BZW2: variants seen among roughly 807,000 people sequenced by gnomAD.
BZW2 encodes basic leucine zipper and W2 domains 2.
Under a neutral mutation model 53.2 loss-of-function variants are expected in BZW2, and 23 were observed. That is an observed-to-expected ratio of 0.43 (90% CI 0.31 to 0.61). BZW2 has a LOEUF of 0.61. BZW2 is among the 20% of genes least tolerant of loss of function. The probability of loss-of-function intolerance (pLI) is 0.09; values close to 1 mark genes in which losing one functional copy is unlikely to be tolerated. For synonymous variants in BZW2, 227 were observed against 186.4 expected (o/e 1.22, Z -1.77); for missense variants, 409 against 503.1 (o/e 0.81, Z 1.79).
chr7:16,657,630 T>G (rs565840523), intron 1 of BZW2, among the ~76,000 whole-genome samples: 5 of 152,348 alleles, frequency 3.3e-5, no homozygotes, highest in African/African-American at 1.2e-4. Flanking sequence ...ACATGTATTT[T>G]GTACATTCTA....
intron 3 of BZW2, among the ~76,000 whole-genome samples, chr7:16,677,889 C>A (rs988847474): frequency 6.6e-6 from 1 of 152,064 alleles, no homozygotes; most frequent in African/African-American, 2.4e-5. Flanking sequence ...TTCACTTCTT[C>A]ACTGCATGTC....
intron 2 of BZW2, among the ~76,000 whole-genome samples, chr7:16,667,523 C>A (rs1282233284): frequency 6.6e-6 from 1 of 152,126 alleles, no homozygotes; most frequent in Non-Finnish European, 1.5e-5. Context: ...GCTAAGCAGC[C>A]TGTGTTCTCT....
intron 1 of BZW2, among the ~76,000 whole-genome samples, chr7:16,653,792 A>T (rs796299343): frequency 7.9e-5 from 12 of 152,298 alleles, no homozygotes; most frequent in African/African-American, 2.9e-4. Flanking sequence ...TTAAATTATT[A>T]TCATCTCCAT....
chr7:16,685,808 A>G, intron 5 of BZW2, 97 bp from the exon 6 acceptor site: 1 of 1,385,482 alleles, frequency 7.2e-7, no homozygotes, highest in Non-Finnish European at 9.5e-7. Flanking sequence ...ATGGATGTTC[A>G]CAGTTTATCT....
At chr7:16,673,339 A>G (rs1782668012) in intron 2 of BZW2, among the ~76,000 whole-genome samples, 2 of 152,198 alleles carry the variant, frequency 1.3e-5, no homozygotes, top group South Asian at 2.1e-4. Flanking sequence ...CATTTTTATA[A>G]TGATACCAAG....
Position 16,682,969 on chromosome 7 carries a change from G to A in BZW2, c.405+124G>A, listed in dbSNP as rs111471690. On this transcript the variant is annotated intron_variant, in intron 5 of 11. Coordinates refer to ENST00000258761, the MANE Select transcript of BZW2 (RefSeq NM_014038.3). ...TCCCAGCACTTTGGGAGGCCGAGAC[G>A]GGTGGGTCACAAGGTCAGGAGTTTA... is the stretch of plus-strand genomic sequence containing the variant. 6.3e-5 allele frequency: 29 copies of A among 457,282 alleles called. No homozygotes were observed. The Middle Eastern group carries it at 2.1e-3, about 33-fold the overall frequency. The allele number at this position is 457,282 out of a possible 1,614,324, so 28.3% of individuals were successfully genotyped here.
intron 11 of BZW2, 129 bp from the exon 12 acceptor site, chr7:16,705,929 CCT>C: frequency 1.0e-6 from 1 of 997,940 alleles, no homozygotes; most frequent in South Asian, 1.5e-5. Flanking sequence ...GACTATTTTA[CCT>C]TATAATGGGT....
At chr7:16,666,342 G>A (rs1233440488) in intron 2 of BZW2, among the ~76,000 whole-genome samples, 1 of 152,060 alleles carries the variant, frequency 6.6e-6, no homozygotes, top group Admixed American at 6.5e-5. Context: ...CTCCCAAAGT[G>A]CTGAGATTGT....
At chr7:16,665,174 C>T (rs1782384464) in intron 1 of BZW2, among the ~76,000 whole-genome samples, 1 of 151,888 alleles carries the variant, frequency 6.6e-6, no homozygotes, top group East Asian at 1.9e-4. Context: ...GGCGTGGTGG[C>T]TCACGCTTGT....
At chr7:16,664,031 C>A (rs531315393) in intron 1 of BZW2, among the ~76,000 whole-genome samples, 8 of 152,216 alleles carry the variant, frequency 5.3e-5, no homozygotes, top group Non-Finnish European at 1.0e-4. Context: ...GCATAGAAAA[C>A]CATATATTCT....
rs1217865691 is a variant in BZW2, at chr7:16,658,105, G to A, written c.-7-7332G>A. Among the ~76,000 whole-genome samples the A allele has an allele frequency of 2.0e-5, 3 of 152,152 alleles. No homozygotes were observed. In the South Asian group the frequency reaches 6.2e-4, roughly 32 times the overall value. On this transcript the variant is annotated intron_variant, in intron 1 of 11. Coordinates refer to ENST00000258761, the MANE Select transcript of BZW2 (RefSeq NM_014038.3). ...TTGAATGAGCTGGCTAGCCCTTGGG[G>A]GAAGGGCAGGGCCTGGGAGATAACC...
intron 1 of BZW2, among the ~76,000 whole-genome samples, chr7:16,661,880 G>A (rs943680826): frequency 3.3e-5 from 5 of 151,960 alleles, no homozygotes; most frequent in Non-Finnish European, 7.4e-5. Context: ...ACCACCATGG[G>A]GATTTGTCTC....
At chr7:16,648,972 G>T (rs1171284533) in intron 1 of BZW2, among the ~76,000 whole-genome samples, 1 of 152,084 alleles carries the variant, frequency 6.6e-6, no homozygotes, top group Non-Finnish European at 1.5e-5. Flanking sequence ...CTTGGCAAGG[G>T]TTATAAGTAA....
At chr7:16,683,771 A>G (rs1045760880) in intron 5 of BZW2, among the ~76,000 whole-genome samples, 1 of 152,158 alleles carries the variant, frequency 6.6e-6, no homozygotes, top group African/African-American at 2.4e-5. Flanking sequence ...ATTGCTTCCA[A>G]TTTTAGATAA....
In BZW2 at chr7:16,646,284, G is replaced by C; in HGVS notation, c.-12G>C. On this transcript the variant is annotated 5_prime_UTR_variant, in exon 1 of 12. Coordinates refer to ENST00000258761, the MANE Select transcript of BZW2 (RefSeq NM_014038.3). ...CTTGCGCGTCGTCGCTACCTCCTCG[G>C]ACAGGTGAGAAGCAGCCCAGGTGAG... 3.8e-6 allele frequency: 1 copy of C among 259,778 alleles called. No homozygotes were observed. Among genetic ancestry groups the C allele is most frequent in the South Asian group, 3.2e-5 (1 of 31,380 alleles). 16.1% of individuals were successfully genotyped at this position (259,778 alleles called of 1,614,324 possible).
At chr7:16,673,771 T>C (rs925141336) in intron 2 of BZW2, among the ~76,000 whole-genome samples, 2 of 152,186 alleles carry the variant, frequency 1.3e-5, no homozygotes, top group African/African-American at 4.8e-5. Flanking sequence ...TAATTCCAAA[T>C]GTACATTTTA....
chr7:16,648,996 G>A (rs1781928078), intron 1 of BZW2, among the ~76,000 whole-genome samples: 1 of 152,088 alleles, frequency 6.6e-6, no homozygotes, highest in African/African-American at 2.4e-5. Flanking sequence ...CTTTGTACAT[G>A]GAGGATATTG....
chr7:16,671,105 C>A (rs938148013), intron 2 of BZW2, among the ~76,000 whole-genome samples: 2 of 152,104 alleles, frequency 1.3e-5, no homozygotes, highest in Non-Finnish European at 2.9e-5. Flanking sequence ...ATGGCTAGTT[C>A]TTGATTTTTT....
chr7:16,652,867 G>A (rs1156988593), intron 1 of BZW2, among the ~76,000 whole-genome samples: 1 of 152,188 alleles, frequency 6.6e-6, no homozygotes, highest in Non-Finnish European at 1.5e-5. Context: ...TTGTAGCTCT[G>A]TACTAGTTCT....
Sources: allele counts gnomAD v4.1 joint callset (sites outside exome capture counted in the v4.1 genomes callset), GRCh38; gene constraint gnomAD v4.1.1; transcripts MANE v1.5; gene names NCBI Gene and HGNC (gene_info 2026-07-23, HGNC 2026-07-21).